MYO1D: variants seen among roughly 807,000 people sequenced by gnomAD.
The protein encoded by MYO1D is unconventional myosin-Id.
Under a neutral mutation model 122.0 loss-of-function variants are expected in MYO1D, and 83 were observed. The ratio of observed to expected loss-of-function variants is 0.68; its 90% CI spans 0.57 to 0.82. MYO1D has a LOEUF of 0.82. Among genes scored for constraint, MYO1D ranks in the 40% least tolerant of loss-of-function variants. The pLI is 0.00. For missense variants in MYO1D, 1,157 were observed against 1,269.5 expected (o/e 0.91, Z 1.35); for synonymous variants, 464 against 446.9 (o/e 1.04, Z -0.48).
intron 1 of MYO1D, among the ~76,000 whole-genome samples, chr17:32,867,554 T>C (rs2091138051): frequency 6.6e-6 from 1 of 151,472 alleles, no homozygotes; most frequent in Non-Finnish European, 1.5e-5. Flanking sequence ...CCCAGCACTT[T>C]GGGAGGACAA....
intron 20 of MYO1D, among the ~76,000 whole-genome samples, chr17:32,626,969 C>T (rs937816035): frequency 6.6e-6 from 1 of 152,110 alleles, no homozygotes. Flanking sequence ...AAAATTTCAT[C>T]TGTATTTTTC....
At chr17:32,634,800 T>G (rs1229239000) in intron 20 of MYO1D, among the ~76,000 whole-genome samples, 1 of 152,170 alleles carries the variant, frequency 6.6e-6, no homozygotes, top group Admixed American at 6.5e-5. Context: ...GGACCTAGGA[T>G]GCCTGGCCAA....
At position 32,496,091 on chromosome 17, in the gene MYO1D, C is replaced by T. The variant is rs1366603213; in HGVS notation, c.2865-1176G>A. The T allele has an allele frequency of 3.3e-5, 5 of 152,444 alleles. No homozygotes were observed. In the East Asian group the frequency reaches 7.7e-4, roughly 24 times the overall value. The allele number at this position is 152,444 out of a possible 1,614,324, so 9.4% of individuals were successfully genotyped here. On this transcript the variant is annotated intron_variant, in intron 21 of 21. Coordinates refer to ENST00000318217, the MANE Select transcript of MYO1D (RefSeq NM_015194.3). ...AGTCGCCTTCACCAGGCCATGAGCA[C>T]GTGAGGCACTTTCTAAGCACTGGTT...
At chr17:32,544,560 A>T (rs1216666339) in intron 21 of MYO1D, among the ~76,000 whole-genome samples, 9 of 152,236 alleles carry the variant, frequency 5.9e-5, no homozygotes, top group Admixed American at 5.9e-4. Context: ...ACGTCTTATG[A>T]AGGTACTCTT....
intron 20 of MYO1D, among the ~76,000 whole-genome samples, chr17:32,606,876 G>C (rs1399725326): frequency 2.0e-5 from 3 of 152,168 alleles, no homozygotes; most frequent in Non-Finnish European, 2.9e-5. Flanking sequence ...AAATTAAAAA[G>C]CGGCTGGGTG....
intron 14 of MYO1D, among the ~76,000 whole-genome samples, chr17:32,727,132 C>T (rs1294586062): frequency 6.6e-5 from 10 of 152,084 alleles, no homozygotes; most frequent in African/African-American, 2.4e-4. Flanking sequence ...CATTTTGACT[C>T]AGAATACTCA....
intron 16 of MYO1D, among the ~76,000 whole-genome samples, chr17:32,711,364 G>A (rs574605994): frequency 6.6e-5 from 10 of 152,154 alleles, no homozygotes; most frequent in South Asian, 6.2e-4. Context: ...AGTCCTTTAC[G>A]CAGCCGGGCG....
At chr17:32,802,043 T>C (rs2090465561) in intron 1 of MYO1D, among the ~76,000 whole-genome samples, 1 of 152,234 alleles carries the variant, frequency 6.6e-6, no homozygotes, top group Non-Finnish European at 1.5e-5. Context: ...GGCTGTGTGG[T>C]ATACAGCTTG....
intron 16 of MYO1D, among the ~76,000 whole-genome samples, chr17:32,701,175 G>A (rs1454368364): frequency 6.6e-6 from 1 of 152,066 alleles, no homozygotes; most frequent in Non-Finnish European, 1.5e-5. Flanking sequence ...AATTAAATTA[G>A]AGAATCTGAA....
At chr17:32,839,424 C>T (rs925927004) in intron 1 of MYO1D, among the ~76,000 whole-genome samples, 8 of 152,162 alleles carry the variant, frequency 5.3e-5, no homozygotes, top group African/African-American at 1.7e-4. Context: ...AAAAGACCTG[C>T]CAGAGAATTT....
In MYO1D at chr17:32,608,282, T is replaced by C. The variant is rs549831525; in HGVS notation, c.2710-3041A>G. On this transcript the variant is annotated intron_variant, in intron 20 of 21. Transcript: ENST00000318217. ...AGAATCTATAAAGAGCTCTTAAAAC[T>C]TGATAGTAAACAACTCAATTAAAAA... is the stretch of plus-strand genomic sequence containing the variant. Among the ~76,000 whole-genome samples, 5 of 152,330 alleles carry C rather than the reference T, an allele frequency of 3.3e-5. No individual in the cohort carries two copies. In the South Asian group the frequency reaches 1.0e-3, roughly 32 times the overall value.
intron 1 of MYO1D, among the ~76,000 whole-genome samples, chr17:32,822,863 G>A (rs2090687192): frequency 1.3e-5 from 2 of 151,726 alleles, no homozygotes; most frequent in Admixed American, 1.3e-4. Context: ...CTCAGCCGGC[G>A]TCTCGCATAC....
At chr17:32,832,590 G>A (rs2090782779) in intron 1 of MYO1D, among the ~76,000 whole-genome samples, 1 of 152,218 alleles carries the variant, frequency 6.6e-6, no homozygotes, top group African/African-American at 2.4e-5. Context: ...GAGCCACTGG[G>A]CCCGGCTCCT....
intron 1 of MYO1D, among the ~76,000 whole-genome samples, chr17:32,854,651 G>A (rs1791176494): frequency 6.6e-6 from 1 of 152,204 alleles, no homozygotes; most frequent in African/African-American, 2.4e-5. Context: ...ACTGGGCCAG[G>A]TTAACACAGT....
intron 8 of MYO1D, among the ~76,000 whole-genome samples, chr17:32,763,215 T>C (rs2090020823): frequency 6.7e-6 from 1 of 150,278 alleles, no homozygotes; most frequent in African/African-American, 2.4e-5. Flanking sequence ...CTTGATGTCA[T>C]TGCCCCTCCT....
chr17:32,748,105 C>CTT (rs2089857182), intron 12 of MYO1D, among the ~76,000 whole-genome samples: 1 of 152,174 alleles, frequency 6.6e-6, no homozygotes, highest in Non-Finnish European at 1.5e-5. Context: ...TAATTTGTTA[C>CTT]AGCAGCCCTT....
chr17:32,658,067 T>A (rs751051962), intron 17 of MYO1D, among the ~76,000 whole-genome samples: 4 of 152,196 alleles, frequency 2.6e-5, no homozygotes, highest in African/African-American at 4.8e-5. Context: ...TAGTACTATA[T>A]CTGAGAACTG....
At chr17:32,635,701 G>C (rs531833390) in intron 20 of MYO1D, among the ~76,000 whole-genome samples, 1 of 151,994 alleles carries the variant, frequency 6.6e-6, no homozygotes, top group African/African-American at 2.4e-5. Context: ...TCGGGTGGCG[G>C]GGGGGTGGAA....
chr17:32,835,414 T>C (rs1322297661), intron 1 of MYO1D, among the ~76,000 whole-genome samples: 35 of 152,218 alleles, frequency 2.3e-4, no homozygotes, highest in Non-Finnish European at 2.9e-5. Flanking sequence ...TGGTCACTAC[T>C]GAAAGGACCA....
Sources: allele counts gnomAD v4.1 joint callset (sites outside exome capture counted in the v4.1 genomes callset), GRCh38; gene constraint gnomAD v4.1.1; transcripts MANE v1.5; gene names NCBI Gene and HGNC (gene_info 2026-07-23, HGNC 2026-07-21).